Variants in ULK4 observed in about 807,000 individuals in gnomAD.
The protein encoded by ULK4 is inactive serine/threonine-protein kinase ULK4.
A neutral mutation model predicts 160.6 loss-of-function variants in ULK4; 133 were observed. The ratio of observed to expected loss-of-function variants is 0.83; its 90% CI spans 0.72 to 0.96. The LOEUF is 0.96. Ranked by LOEUF, ULK4 falls within the 40% of genes least tolerant of loss-of-function variation. The pLI is 0.00. For missense variants in ULK4, 1,580 were observed against 1,499.5 expected (o/e 1.05, Z -0.89); for synonymous variants, 534 against 539.8 (o/e 0.99, Z 0.15).
At chr3:41,598,791 TG>T (rs1320127649) in intron 31 of ULK4, among the ~76,000 whole-genome samples, 2 of 152,140 alleles carry the variant, frequency 1.3e-5, no homozygotes, top group Non-Finnish European at 2.9e-5. Flanking sequence ...GAATAGTAAG[TG>T]GTATTATGTA....
At chr3:41,674,424 A>T (rs2035637473) in intron 29 of ULK4, among the ~76,000 whole-genome samples, 2 of 152,174 alleles carry the variant, frequency 1.3e-5, no homozygotes, top group African/African-American at 4.8e-5. Flanking sequence ...TTTAAAATTA[A>T]ATCTTGTCTC....
At chr3:41,530,995 C>T (rs754734177) in intron 32 of ULK4, among the ~76,000 whole-genome samples, 2 of 151,384 alleles carry the variant, frequency 1.3e-5, no homozygotes, top group Non-Finnish European at 2.9e-5. Context: ...ATCTCTTGAC[C>T]TCGTGATCTG....
chr3:41,407,274 A>T (rs79138570), intron 34 of ULK4, among the ~76,000 whole-genome samples: 136 of 152,332 alleles, frequency 8.9e-4, no homozygotes, highest in African/African-American at 3.2e-3. Context: ...GAATTCTACC[A>T]AACATTTAAG....
At position 41,800,278 on chromosome 3, in the gene ULK4, T is replaced by G; in HGVS notation, c.1864A>C (p.Asn622His). 1 of 1,612,340 alleles carries G rather than the reference T, an allele frequency of 6.2e-7. No homozygotes were observed. Among genetic ancestry groups the G allele is most frequent in the Non-Finnish European group, 8.5e-7 (1 of 1,179,394 alleles). Residue 622 changes from asparagine to histidine, a missense_variant, in exon 20 of 37, where the codon AAT becomes CAT. Transcript: ENST00000301831. ...TCAATAATTTTTGCTGCCATGTGAT[T>G]CACAACACGCTCTTCCTATAGAGAA... ...CLREGEERVV[N>H]HMAAKIIENV...
intron 30 of ULK4, among the ~76,000 whole-genome samples, chr3:41,620,841 T>A (rs1234296208): frequency 6.6e-6 from 1 of 152,184 alleles, no homozygotes; most frequent in Non-Finnish European, 1.5e-5. Flanking sequence ...TGTTTGCAGA[T>A]GACATTTTTA....
chr3:41,927,922 C>G (rs1373069180), intron 5 of ULK4, among the ~76,000 whole-genome samples: 1 of 152,032 alleles, frequency 6.6e-6, no homozygotes, highest in Non-Finnish European at 1.5e-5. Flanking sequence ...CTTTAACACC[C>G]CACTGTCAAT....
chr3:41,946,783 T>C (rs1411165278), intron 2 of ULK4, among the ~76,000 whole-genome samples: 3 of 152,296 alleles, frequency 2.0e-5, no homozygotes, highest in South Asian at 2.1e-4. Context: ...AGAGATTTAA[T>C]TGGGTTAAGT....
chr3:41,610,027 T>A (rs891991313), intron 31 of ULK4, among the ~76,000 whole-genome samples: 7 of 151,624 alleles, frequency 4.6e-5, no homozygotes, highest in African/African-American at 1.4e-4. Flanking sequence ...TTTATTTTTT[T>A]TTTTTTGGAA....
intron 35 of ULK4, among the ~76,000 whole-genome samples, chr3:41,274,363 A>C (rs1005394443): frequency 3.9e-5 from 6 of 152,168 alleles, no homozygotes; most frequent in Non-Finnish European, 8.8e-5. Context: ...ATATATTTTA[A>C]GGCTCCACAG....
At chr3:41,265,672 A>G (rs996626602) in intron 35 of ULK4, among the ~76,000 whole-genome samples, 1 of 152,120 alleles carries the variant, frequency 6.6e-6, no homozygotes, top group Non-Finnish European at 1.5e-5. Context: ...ATTTGGAAAC[A>G]TTTTATAATG....
chr3:41,865,606 C>G (rs944423674), intron 17 of ULK4, among the ~76,000 whole-genome samples: 7 of 152,086 alleles, frequency 4.6e-5, no homozygotes, highest in Admixed American at 2.6e-4. Flanking sequence ...TATCCTTGGC[C>G]CATCGGAAAG....
intron 17 of ULK4, among the ~76,000 whole-genome samples, chr3:41,838,401 A>C (rs1199993650): frequency 6.6e-6 from 1 of 152,162 alleles, no homozygotes; most frequent in Non-Finnish European, 1.5e-5. Flanking sequence ...CATTTTCTAC[A>C]CTTCAACTAG....
chr3:41,414,836 C>G (rs2082489620), intron 34 of ULK4, among the ~76,000 whole-genome samples: 1 of 152,156 alleles, frequency 6.6e-6, no homozygotes, highest in African/African-American at 2.4e-5. Flanking sequence ...GACACCGTCC[C>G]CTTTCTCTTG....
chr3:41,504,001 A>T (rs2085297158), intron 32 of ULK4, among the ~76,000 whole-genome samples: 1 of 152,052 alleles, frequency 6.6e-6, no homozygotes, highest in South Asian at 2.1e-4. Context: ...AAAGCAAACA[A>T]AACAAAAACA....
Position 41,750,605 on chromosome 3 carries a change from C to CT in ULK4, c.2321+3755dup, listed in dbSNP as rs1178287657. Among the ~76,000 whole-genome samples the CT allele has an allele frequency of 2.6e-5, 4 of 152,152 alleles. No individual in the cohort carries two copies. In the East Asian group the frequency reaches 7.7e-4, roughly 29 times the overall value. ...GAGGCCATTGTCTTCCAGTTCTAGACTTTCCAAAACAAAAAAAACACTGCC... is the reference window on the plus strand; with the variant it reads ...GAGGCCATTGTCTTCCAGTTCTAGACTTTTCCAAAACAAAAAAAACACTGCC... On this transcript the variant is annotated intron_variant, in intron 22 of 36. Coordinates refer to ENST00000301831, the MANE Select transcript of ULK4 (RefSeq NM_017886.4).
intron 33 of ULK4, among the ~76,000 whole-genome samples, chr3:41,461,714 T>TA (rs1003188857): frequency 4.6e-5 from 7 of 151,976 alleles, no homozygotes; most frequent in African/African-American, 9.7e-5. Context: ...TCACTTGTAG[T>TA]AAAAAAAAGA....
chr3:41,367,704 T>C (rs1425245864), intron 35 of ULK4, among the ~76,000 whole-genome samples: 1 of 152,232 alleles, frequency 6.6e-6, no homozygotes, highest in Non-Finnish European at 1.5e-5. Context: ...TATTGATAAC[T>C]TGCCCTGTTT....
rs72864523 is a variant in ULK4, at chr3:41,740,066, C to T, written c.2321+14295G>A. 1.4e-3 allele frequency among the ~76,000 whole-genome samples: 213 copies of T among 151,764 alleles called. 5 individuals are homozygous for T. The highest frequency in any genetic ancestry group is 0.01 in the Middle Eastern group (3 of 292). ...TTTCCTTTTATGGTTTATTTCATTG[C>T]TCTTCTTCTCAGAAAAGCTTTCTTT... On this transcript the variant is annotated intron_variant, in intron 22 of 36. Transcript: ENST00000301831.
intron 21 of ULK4, among the ~76,000 whole-genome samples, chr3:41,779,985 TA>T (rs777587812): frequency 0.11 from 6,586 of 59,396 alleles, 357 homozygotes; most frequent in Middle Eastern, 0.22. Context: ...TAGAGTATAA[TA>T]AAAAAAAAAA....
Sources: gnomAD v4.1 joint callset for allele counts (sites outside exome capture counted in the v4.1 genomes callset) on GRCh38, gnomAD v4.1.1 for gene constraint, MANE v1.5 for transcripts, NCBI Gene and HGNC (gene_info 2026-07-23, HGNC 2026-07-21) for gene names.